GMDS: variants seen among roughly 807,000 people sequenced by gnomAD.
GMDS encodes GDP-mannose 4,6 dehydratase.
Under a neutral mutation model 49.9 loss-of-function variants are expected in GMDS, and 20 were observed. The ratio of observed to expected loss-of-function variants is 0.40; its 90% CI spans 0.28 to 0.58. GMDS has a LOEUF of 0.58. GMDS is among the 20% of genes least tolerant of loss of function. The pLI, the probability that GMDS is intolerant of heterozygous loss-of-function variation, is 0.42. For synonymous variants in GMDS, 177 were observed against 178.6 expected, an observed-to-expected ratio of 0.99 and a Z score of 0.07; for missense variants, 362 against 481.4, an observed-to-expected ratio of 0.75 and a Z score of 2.32.
At chr6:1,636,628 A>T (rs970110295) in intron 9 of GMDS, among the ~76,000 whole-genome samples, 1 of 152,178 alleles carries the variant, frequency 6.6e-6, no homozygotes, top group Admixed American at 6.5e-5. Flanking sequence ...ACGGGCTCCC[A>T]TGGAGGGATG....
At chr6:1,693,113 C>T (rs1765230789) in intron 9 of GMDS, among the ~76,000 whole-genome samples, 1 of 152,204 alleles carries the variant, frequency 6.6e-6, no homozygotes, top group Non-Finnish European at 1.5e-5. Context: ...TTCTAAGAGG[C>T]AAGACCCTTC....
chr6:1,785,246 C>T (rs560097633), intron 7 of GMDS, among the ~76,000 whole-genome samples: 5 of 152,014 alleles, frequency 3.3e-5, no homozygotes, highest in Admixed American at 6.5e-5. Flanking sequence ...AAAATAAAAA[C>T]GTGTTTTTAT....
At chr6:2,010,460 A>G (rs989013898) in intron 4 of GMDS, among the ~76,000 whole-genome samples, 4 of 152,150 alleles carry the variant, frequency 2.6e-5, no homozygotes, top group South Asian at 4.1e-4. Flanking sequence ...CACAAGGATG[A>G]TGAGATTACT....
At chr6:2,112,906 C>T (rs553771050) in intron 4 of GMDS, among the ~76,000 whole-genome samples, 1 of 152,190 alleles carries the variant, frequency 6.6e-6, no homozygotes, top group Non-Finnish European at 1.5e-5. Flanking sequence ...CCCACCCTCT[C>T]ACTATCAACC....
chr6:2,100,152 G>C (rs56905405), intron 4 of GMDS, among the ~76,000 whole-genome samples: 21,473 of 151,916 alleles, frequency 0.14, 4,165 homozygotes, highest in African/African-American at 0.44. Flanking sequence ...AATTTCACAT[G>C]ACAAAGAAAA....
intron 2 of GMDS, 73 bp downstream of exon 2, chr6:2,124,614 G>A (rs767798399): frequency 6.5e-5 from 69 of 1,064,676 alleles, no homozygotes; most frequent in Non-Finnish European, 9.5e-5. Context: ...GAGGACGGCA[G>A]CAGAGGAAGC....
At chr6:2,088,232 T>G (rs758605652) in intron 4 of GMDS, among the ~76,000 whole-genome samples, 1 of 151,892 alleles carries the variant, frequency 6.6e-6, no homozygotes, top group Non-Finnish European at 1.5e-5. Flanking sequence ...AGAAAAAAAA[T>G]GCAATCAAGA....
At chr6:1,822,589 C>G (rs777171232) in intron 7 of GMDS, among the ~76,000 whole-genome samples, 3 of 152,024 alleles carry the variant, frequency 2.0e-5, no homozygotes, top group African/African-American at 4.8e-5. Context: ...AATTACTTAA[C>G]AGTTAATATT....
chr6:1,749,666 A>G (rs1767647062), intron 7 of GMDS, among the ~76,000 whole-genome samples: 1 of 152,134 alleles, frequency 6.6e-6, no homozygotes, highest in Admixed American at 6.5e-5. Flanking sequence ...TGTGTAGTGT[A>G]CAAGTGGGTA....
chr6:1,683,957 G>GT (rs1764883664), intron 9 of GMDS, among the ~76,000 whole-genome samples: 1 of 143,870 alleles, frequency 7.0e-6, no homozygotes, highest in African/African-American at 2.7e-5. Context: ...TGAGGGTGGG[G>GT]TTTGCCATCG....
At chr6:2,145,101 C>T (rs1776485495) in intron 1 of GMDS, among the ~76,000 whole-genome samples, 1 of 152,130 alleles carries the variant, frequency 6.6e-6, no homozygotes, top group Non-Finnish European at 1.5e-5. Flanking sequence ...GCAAGAATCC[C>T]TAATTTTCAA....
intron 9 of GMDS, among the ~76,000 whole-genome samples, chr6:1,666,145 A>C (rs918904577): frequency 6.6e-6 from 1 of 152,098 alleles, no homozygotes; most frequent in African/African-American, 2.4e-5. Flanking sequence ...CTGATTAGGC[A>C]TTTGCCCCTT....
In GMDS at chr6:2,154,862, GCAAAA is replaced by G. The variant is rs1219148806; in HGVS notation, c.103-30136_103-30132del. ...AACAAAAGCCTCTTATTGAAGAGATGCAAAAAAAAAAAAAAAAAAAAAAAGACAAA... is the reference window on the plus strand; with the variant it reads ...AACAAAAGCCTCTTATTGAAGAGATGAAAAAAAAAAAAAAAAAAAGACAAA... On this transcript the variant is annotated intron_variant, in intron 1 of 10. Transcript: ENST00000380815. 5.9e-4 allele frequency among the ~76,000 whole-genome samples: 20 copies of G among 33,840 alleles called. 1 individual carries two copies. The highest frequency in any genetic ancestry group is 1.4e-3 in the African/African-American group (19 of 13,204). 22.2% of individuals were successfully genotyped at this position (33,840 alleles called of 152,430 possible). A position where few individuals can be genotyped will look rare whatever the true frequency, so the allele number is the denominator to read the frequency against.
chr6:2,056,955 GAATTTCCATTTCTGTATAAATACA>G (rs1770815940), intron 4 of GMDS, among the ~76,000 whole-genome samples: 1 of 152,120 alleles, frequency 6.6e-6, no homozygotes, highest in Non-Finnish European at 1.5e-5. Flanking sequence ...CTGAGAAAGG[GAATTTCCATTTCTGTATAAATACA>G]GCATTACTGC....
intron 7 of GMDS, among the ~76,000 whole-genome samples, chr6:1,765,327 G>A (rs1389769758): frequency 1.3e-5 from 2 of 152,024 alleles, no homozygotes; most frequent in Non-Finnish European, 1.5e-5. Flanking sequence ...CAAGGCCACC[G>A]CCTCTTTTCC....
At chr6:2,190,813 G>A (rs952993406) in intron 1 of GMDS, among the ~76,000 whole-genome samples, 18 of 152,174 alleles carry the variant, frequency 1.2e-4, no homozygotes, top group Non-Finnish European at 2.9e-5. Flanking sequence ...GTGGCGGGAG[G>A]CGGCAGCAGG....
chr6:2,210,048 C>G lies in GMDS; in HGVS notation c.102+35273G>C, dbSNP rs116807107. 4.6e-3 allele frequency among the ~76,000 whole-genome samples: 705 copies of G among 152,268 alleles called. 5 individuals carry two copies. Among genetic ancestry groups the G allele is most frequent in the African/African-American group, 0.016 (669 of 41,552 alleles). Reference sequence around the variant, plus strand: ...AATCACTATTCTACACTAGAGAAAACAAAGCTTCATATAAATAAATTTTCT... The same window carrying G: ...AATCACTATTCTACACTAGAGAAAAGAAAGCTTCATATAAATAAATTTTCT... On this transcript the variant is annotated intron_variant, in intron 1 of 10. Transcript: ENST00000380815.
chr6:2,131,801 CTT>C (rs59213948), intron 1 of GMDS, among the ~76,000 whole-genome samples: 8 of 142,894 alleles, frequency 5.6e-5, no homozygotes, highest in South Asian at 4.5e-4. Flanking sequence ...ACTGGTTTTC[CTT>C]TTTTTTTTTT....
At chr6:2,193,851 G>A (rs1342841885) in intron 1 of GMDS, among the ~76,000 whole-genome samples, 1 of 148,488 alleles carries the variant, frequency 6.7e-6, no homozygotes, top group East Asian at 2.0e-4. Flanking sequence ...AGCCTCCCAA[G>A]TAGGTGGAAC....
Sources: allele counts gnomAD v4.1 joint callset (sites outside exome capture counted in the v4.1 genomes callset), GRCh38; gene constraint gnomAD v4.1.1; transcripts MANE v1.5; gene names NCBI Gene and HGNC (gene_info 2026-07-23, HGNC 2026-07-21).